The following BACH2 variants were observed in gnomAD, a reference collection of about 807,000 sequenced individuals.
BACH2 encodes the protein transcription regulator protein BACH2.
Under a neutral mutation model 61.8 loss-of-function variants are expected in BACH2, and 5 were observed. That is an observed-to-expected ratio of 0.08 (90% confidence interval 0.04 to 0.17). The LOEUF (loss-of-function observed/expected upper bound fraction) is 0.17, where lower values mean the gene tolerates loss of function less well. BACH2 is among the 10% of genes least tolerant of loss of function. The pLI is 1.00. For missense variants in BACH2, 824 were observed against 1,091.1 expected (o/e 0.76, Z 3.45); for synonymous variants, 446 against 440.1 (o/e 1.01, Z -0.17).
chr6:90,209,760 G>C (rs1769278446), intron 3 of BACH2, among the ~76,000 whole-genome samples: 1 of 152,124 alleles, frequency 6.6e-6, no homozygotes, highest in South Asian at 2.1e-4. Context: ...ACTGATTACG[G>C]ATCCCTTCCT....
chr6:89,970,303 G>A (rs968267011), intron 6 of BACH2, among the ~76,000 whole-genome samples: 3 of 152,120 alleles, frequency 2.0e-5, no homozygotes, highest in African/African-American at 4.8e-5. Flanking sequence ...AAGCGCCGCC[G>A]ACAGGCTTTG....
chr6:90,038,815 G>A (rs943972976), intron 5 of BACH2, among the ~76,000 whole-genome samples: 3 of 152,140 alleles, frequency 2.0e-5, no homozygotes, highest in East Asian at 1.9e-4. Flanking sequence ...GAGGTGGGTG[G>A]ATCATGAGGT....
rs543322569 is a variant in BACH2 at position 90,246,310 on chromosome 6, G to T, written c.-275+6203C>A. On this transcript the variant is annotated intron_variant, in intron 3 of 8. Transcript: ENST00000257749. The stretch of plus-strand genomic sequence containing the variant: ...GTGTAAAATGGAGACATCAACTTCT[G>T]AAAGTTATAAAACATCAATTTTAAA... 6.2e-4 allele frequency among the ~76,000 whole-genome samples: 94 copies of T among 152,268 alleles called. No individual in the cohort carries two copies. The South Asian group carries it at 0.011, about 18-fold the overall frequency.
chr6:90,070,920 A>G (rs1245276232), intron 5 of BACH2, among the ~76,000 whole-genome samples: 1 of 151,978 alleles, frequency 6.6e-6, no homozygotes, highest in Non-Finnish European at 1.5e-5. Flanking sequence ...CACCCTCTCC[A>G]TTCCTCATGC....
intron 7 of BACH2, among the ~76,000 whole-genome samples, chr6:89,943,872 C>T (rs1773579137): frequency 1.3e-5 from 2 of 152,280 alleles, no homozygotes; most frequent in African/African-American, 4.8e-5. Flanking sequence ...ATGGTGTGGT[C>T]AGCTCTCCGA....
chr6:89,989,119 A>G (rs1776398294), intron 6 of BACH2, among the ~76,000 whole-genome samples: 1 of 152,210 alleles, frequency 6.6e-6, no homozygotes, highest in African/African-American at 2.4e-5. Context: ...GTTCTCCAAG[A>G]TGGAGCAAGA....
intron 5 of BACH2, among the ~76,000 whole-genome samples, chr6:90,033,005 C>T (rs1260148518): frequency 6.6e-6 from 1 of 152,126 alleles, no homozygotes; most frequent in Non-Finnish European, 1.5e-5. Flanking sequence ...GGTACATATA[C>T]ACCATGGAAT....
At chr6:89,975,610 C>T (rs1445647970) in intron 6 of BACH2, among the ~76,000 whole-genome samples, 1 of 152,168 alleles carries the variant, frequency 6.6e-6, no homozygotes, top group African/African-American at 2.4e-5. Flanking sequence ...GTACTTCTTC[C>T]TTTATTTTTT....
chr6:89,946,601 C>T (rs535093593), intron 7 of BACH2, among the ~76,000 whole-genome samples: 2 of 152,234 alleles, frequency 1.3e-5, no homozygotes, highest in East Asian at 3.9e-4. Context: ...TTTACGAGAA[C>T]GAGAGATATT....
In BACH2 at chr6:90,216,519, C is replaced by T. The variant is rs141176244; in HGVS notation, c.-274-9838G>A. ...ACTGGGAAACTCACTGTAAGGGAGT[C>T]CTGAGGGGATCCACCTGCTAAGGTC... On this transcript the variant is annotated intron_variant, in intron 3 of 8. Transcript: ENST00000257749. Among the ~76,000 whole-genome samples, 11 of 152,274 alleles carry T rather than the reference C, an allele frequency of 7.2e-5. No homozygotes were observed. The East Asian group carries it at 2.1e-3, about 29-fold the overall frequency.
intron 5 of BACH2, among the ~76,000 whole-genome samples, chr6:90,043,730 G>T (rs1052885048): frequency 4.6e-5 from 7 of 152,096 alleles, no homozygotes; most frequent in Admixed American, 6.5e-5. Flanking sequence ...ACTCTTCTCT[G>T]TCTGGCAAAC....
At chr6:90,033,439 C>T (rs573828412) in intron 5 of BACH2, among the ~76,000 whole-genome samples, 2 of 151,414 alleles carry the variant, frequency 1.3e-5, no homozygotes, top group African/African-American at 4.8e-5. Context: ...TTTAGTTCTA[C>T]TCACAGTGGT....
intron 5 of BACH2, among the ~76,000 whole-genome samples, chr6:90,045,802 A>G (rs771409957): frequency 2.0e-5 from 3 of 152,180 alleles, no homozygotes; most frequent in African/African-American, 2.4e-5. Flanking sequence ...TCTAAAATTA[A>G]TATTTCTTTC....
rs145513264 is a variant in BACH2 at position 90,204,719 on chromosome 6, T to A, written c.-162+1850A>T. Among the ~76,000 whole-genome samples the A allele has an allele frequency of 3.9e-4, 59 of 152,272 alleles. 3 individuals are homozygous for A. The East Asian group carries it at 6.8e-3, about 17-fold the overall frequency. ...TTCCCGAGTTGCCTTAGCTTTTCAA[T>A]ACACCAAACTCCAAATACTAGGAGC... On this transcript the variant is annotated intron_variant, in intron 4 of 8. Coordinates refer to ENST00000257749, the MANE Select transcript of BACH2 (RefSeq NM_021813.4).
At chr6:90,189,614 C>CAAAA (rs59022545) in intron 4 of BACH2, among the ~76,000 whole-genome samples, 20 of 47,722 alleles carry the variant, frequency 4.2e-4, no homozygotes, top group East Asian at 7.0e-4. Context: ...GACTCCGTCT[C>CAAAA]AAAAAAAAAA....
chr6:90,268,195 G>A (rs1180686336), intron 2 of BACH2, among the ~76,000 whole-genome samples: 12 of 151,918 alleles, frequency 7.9e-5, no homozygotes, highest in Admixed American at 3.3e-4. Flanking sequence ...TTTTAGAGAC[G>A]AGGTTTCACC....
Position 90,008,875 on chromosome 6 carries a change from CAAAG to C in BACH2, c.-12-23_-12-20del, listed in dbSNP as rs143731702. On this transcript the variant is annotated intron_variant, in intron 5 of 8. Transcript: ENST00000257749. The surrounding 1 kb of genome is among the most constrained non-coding windows in gnomAD (Gnocchi z 4.1). ...TCACACCCTGAAAGAAAGAAAGAAACAAAGAAAGAAAGAAAGAAAGGCTGAGTCA... is the reference window on the plus strand; with the variant it reads ...TCACACCCTGAAAGAAAGAAAGAAACAAAGAAAGAAAGAAAGGCTGAGTCA... The C allele has an allele frequency of 3.1e-3, 4,914 of 1,607,068 alleles. 219 individuals are homozygous for C. In the East Asian group the frequency reaches 0.095, roughly 31 times the overall value.
rs142992972 is a variant in BACH2 at position 90,006,560 on chromosome 6, T to C, written c.243+2042A>G. 3.4e-4 allele frequency among the ~76,000 whole-genome samples: 52 copies of C among 152,330 alleles called. No homozygotes were observed. In the East Asian group the frequency reaches 7.1e-3, roughly 21 times the overall value. ...TGGAGTGGTAATGGAGCATTCTATT[T>C]TGAGTATGTAACAAGGATACGAATG... On this transcript the variant is annotated intron_variant, in intron 6 of 8. Coordinates refer to ENST00000257749, the MANE Select transcript of BACH2 (RefSeq NM_021813.4).
intron 4 of BACH2, chr6:90,116,657 C>T (rs1299650964): frequency 3.5e-6 from 1 of 289,690 alleles, no homozygotes. Flanking sequence ...ATTCTTGCTA[C>T]TTAAAAAAAG....
Sources: allele counts gnomAD v4.1 joint callset (sites outside exome capture counted in the v4.1 genomes callset), GRCh38; gene constraint gnomAD v4.1.1; non-coding constraint Gnocchi (gnomAD v3.1); transcripts MANE v1.5; gene names NCBI Gene and HGNC (gene_info 2026-07-23, HGNC 2026-07-21).